Variants in ZC3H12B observed in about 807,000 individuals in gnomAD.
ZC3H12B encodes probable ribonuclease ZC3H12B.
A neutral mutation model predicts 43.9 loss-of-function variants in ZC3H12B; 7 were observed. The observed-to-expected ratio is 0.16, with a 90% CI of 0.09 to 0.30. The LOEUF (loss-of-function observed/expected upper bound fraction) is 0.30. Ranked by LOEUF, ZC3H12B falls within the 10% of genes least tolerant of loss-of-function variation. The pLI is 1.00. For synonymous variants in ZC3H12B, 222 were observed against 241.7 expected (o/e 0.92, Z 0.76); for missense variants, 475 against 670.2 (o/e 0.71, Z 3.22).
At chrX:65,146,758 G>T in the ZC3H12B span, among the ~76,000 whole-genome samples, 1 of 111,686 alleles carries the variant, frequency 9.0e-6, no homozygotes, top group Non-Finnish European at 1.9e-5. Context: ...CAGCAAGTCT[G>T]CCAGGCTCCA....
At chrX:65,051,694 G>C in the ZC3H12B span, among the ~76,000 whole-genome samples, 1 of 111,276 alleles carries the variant, frequency 9.0e-6, no homozygotes, top group African/African-American at 3.3e-5. Context: ...CGAAGAAGTA[G>C]TTTAATAATT....
chrX:65,174,609 C>T, the ZC3H12B span, among the ~76,000 whole-genome samples: 2 of 112,004 alleles, frequency 1.8e-5, no homozygotes, highest in Non-Finnish European at 3.8e-5. Flanking sequence ...ACTGTGGTCA[C>T]AGCCGCTTGC....
chrX:65,357,166 C>T, the ZC3H12B span: 4 of 439,761 alleles, frequency 9.1e-6, no homozygotes, highest in South Asian at 1.1e-4. Flanking sequence ...CATTTCTTCA[C>T]CTCTTTTCAT....
chrX:65,231,877 T>A, the ZC3H12B span, among the ~76,000 whole-genome samples: 2 of 111,457 alleles, frequency 1.8e-5, no homozygotes, highest in Non-Finnish European at 3.8e-5. Context: ...GTTAACGCAA[T>A]CATCACAGGG....
At chrX:65,239,515 G>A in the ZC3H12B span, among the ~76,000 whole-genome samples, 5 of 110,372 alleles carry the variant, frequency 4.5e-5, no homozygotes, top group Non-Finnish European at 7.6e-5. Context: ...ATACTGATGG[G>A]TCTTGACTCT....
chrX:65,058,928 C>T, the ZC3H12B span, among the ~76,000 whole-genome samples: 2 of 112,222 alleles, frequency 1.8e-5, no homozygotes, highest in South Asian at 3.7e-4. Context: ...ATTGGAAAAG[C>T]ACAGTATTAG....
chrX:65,247,389 A>G, the ZC3H12B span, among the ~76,000 whole-genome samples: 3 of 112,325 alleles, frequency 2.7e-5, no homozygotes, highest in African/African-American at 9.7e-5. Flanking sequence ...ATTACTGGGT[A>G]TATACCCAAA....
chrX:65,405,303 C>A (rs960772728), intron 3 of ZC3H12B, among the ~76,000 whole-genome samples: 1 of 112,349 alleles, frequency 8.9e-6, no homozygotes, highest in African/African-American at 3.2e-5. Context: ...CAAAAGCAAA[C>A]CAAACCTAAA....
intron 3 of ZC3H12B, among the ~76,000 whole-genome samples, chrX:65,423,034 G>C (rs1232536137): frequency 1.0e-5 from 1 of 97,099 alleles, no homozygotes; most frequent in African/African-American, 3.9e-5. Flanking sequence ...CCAGGTTCAC[G>C]CCATTCTCCT....
chrX:65,487,721 C>A (rs2068144222), upstream of ZC3H12B, among the ~76,000 whole-genome samples: 1 of 112,102 alleles, frequency 8.9e-6, no homozygotes, highest in Non-Finnish European at 1.9e-5. Context: ...GCACACACAC[C>A]CTTTCTTATC....
At chrX:65,061,212 G>A in the ZC3H12B span, among the ~76,000 whole-genome samples, 10 of 110,266 alleles carry the variant, frequency 9.1e-5, no homozygotes, top group East Asian at 2.8e-4. Flanking sequence ...GGTTTGTTAC[G>A]TAGGTATACA....
At chrX:65,201,664 C>A in the ZC3H12B span, among the ~76,000 whole-genome samples, 1 of 105,604 alleles carries the variant, frequency 9.5e-6, no homozygotes, top group African/African-American at 3.5e-5. Context: ...CTCTCTCTCT[C>A]TCTCTCTCTC....
chrX:65,309,413 C>T, the ZC3H12B span, among the ~76,000 whole-genome samples: 3 of 111,635 alleles, frequency 2.7e-5, no homozygotes, highest in Non-Finnish European at 5.6e-5. Flanking sequence ...GGATAAATTC[C>T]TGGACACATA....
chrX:65,163,869 C>T, the ZC3H12B span, among the ~76,000 whole-genome samples: 11 of 112,128 alleles, frequency 9.8e-5, no homozygotes, highest in Non-Finnish European at 1.7e-4. Flanking sequence ...GCGTCACTCA[C>T]GCTGGGAGAT....
At chrX:65,199,426 G>A in the ZC3H12B span, among the ~76,000 whole-genome samples, 1 of 109,703 alleles carries the variant, frequency 9.1e-6, no homozygotes, top group Non-Finnish European at 1.9e-5. Flanking sequence ...TTTCCTCAAG[G>A]CAGCTATTTA....
chrX:65,451,266 GTTT>G (rs2067506147), intron 3 of ZC3H12B, among the ~76,000 whole-genome samples: 1 of 110,183 alleles, frequency 9.1e-6, no homozygotes. Context: ...TTTTGTTTTT[GTTT>G]TTGTTTTTTT....
the ZC3H12B span, among the ~76,000 whole-genome samples, chrX:65,308,490 A>T: frequency 1.8e-5 from 2 of 111,485 alleles, no homozygotes; most frequent in African/African-American, 6.5e-5. Flanking sequence ...TCATAAAGCA[A>T]CTCCTTAGAG....
intron 3 of ZC3H12B, among the ~76,000 whole-genome samples, chrX:65,455,940 C>A (rs906104668): frequency 5.4e-5 from 6 of 111,635 alleles, no homozygotes; most frequent in African/African-American, 1.6e-4. Flanking sequence ...GAGATTTTGT[C>A]ACCACCAGGC....
the ZC3H12B span, among the ~76,000 whole-genome samples, chrX:65,177,688 A>T: frequency 1.8e-5 from 2 of 111,785 alleles, no homozygotes; most frequent in African/African-American, 6.5e-5. Flanking sequence ...TGACAAACTG[A>T]ATAAAATACC....
Sources: gnomAD v4.1 joint callset for allele counts (sites outside exome capture counted in the v4.1 genomes callset) on GRCh38, gnomAD v4.1.1 for gene constraint, MANE v1.5 for transcripts, NCBI Gene and HGNC (gene_info 2026-07-23, HGNC 2026-07-21) for gene names.